Variants in ZDHHC16 observed in about 807,000 individuals in gnomAD.
ZDHHC16 encodes palmitoyltransferase ZDHHC16.
ZDHHC16 carries 33 observed loss-of-function variants against 54.4 expected under a neutral mutation model. The ratio of observed to expected loss-of-function variants is 0.61; its 90% CI spans 0.46 to 0.81. The LOEUF is 0.81. ZDHHC16 is among the 30% of genes least tolerant of loss of function. ZDHHC16 has a pLI of 0.00. For synonymous variants in ZDHHC16, 185 were observed against 182.1 expected, an observed-to-expected ratio of 1.02 and a Z score of -0.13; for missense variants, 420 against 485.9, an observed-to-expected ratio of 0.86 and a Z score of 1.28.
In ZDHHC16 at chr10:97,455,769, C is replaced by T; in HGVS notation, c.934C>T (p.Gln312Ter). ...HINKKERRRLQAKGRVFRNPY... is the reference protein window; with the variant it reads ...HINKKERRRL ...CAACAAGAAGGAGAGACGTCGGCTA[C>T]AGGCCAAGGGCAGAGTGAGTAGGGT... The change falls in exon 10 of 12, where the codon CAG becomes TAG. Residue 312 changes from glutamine (Q) to a stop codon, truncating the protein, a stop_gained. Transcript: ENST00000393760. LOFTEE classifies it high-confidence loss of function. 1 of 1,614,134 alleles carries T rather than the reference C, an allele frequency of 6.2e-7. No homozygotes were observed. Among genetic ancestry groups the T allele is most frequent in the Non-Finnish European group, 8.5e-7 (1 of 1,180,014 alleles).
Position 97,452,423 on chromosome 10 carries a change from T to C in ZDHHC16, c.447T>C (p.Asn149=). ...GCTCTCCCTTCACACAGGGCAGGAA[T>C]GATATCGCCACCGTCTCCATCTGTA... is the stretch of plus-strand genomic sequence containing the variant. ...TPPGYPPQGR[N]DIATVSICKK... is the part of the protein sequence containing the mutation. Residue 149 remains asparagine, a synonymous_variant, in exon 5 of 12, where the codon AAT becomes AAC. Coordinates refer to ENST00000393760, the MANE Select transcript of ZDHHC16 (RefSeq NM_198046.3). The C allele has an allele frequency of 6.2e-7, 1 of 1,614,146 alleles. No homozygotes were observed.
chr10:97,455,570 A>C (rs774668682), intron 9 of ZDHHC16, 90 bp from the exon 10 acceptor site: 41 of 1,603,726 alleles, frequency 2.6e-5, no homozygotes, highest in Non-Finnish European at 3.5e-5. Flanking sequence ...GAGAGGTTCC[A>C]AACCAGTTGT....
At chr10:97,452,368 TGAGA>T (rs1418611279) in intron 4 of ZDHHC16, 43 bp from the exon 5 acceptor site, 1 of 1,612,104 alleles carries the variant, frequency 6.2e-7, no homozygotes, top group Middle Eastern at 1.7e-4. Flanking sequence ...GGTATAGTTT[TGAGA>T]GACAGAACTG....
rs760870252 is a variant in ZDHHC16, at chr10:97,451,961, G to T, written c.243+43G>T. On this transcript the variant is annotated intron_variant, in intron 3 of 11. Coordinates refer to ENST00000393760, the MANE Select transcript of ZDHHC16 (RefSeq NM_198046.3). Reference sequence around the variant, plus strand: ...AGCAGGAAAAGGGGTGTTGTGGGGAGCAGAGGGACATGTCTCTCACAGACC... The same window carrying T: ...AGCAGGAAAAGGGGTGTTGTGGGGATCAGAGGGACATGTCTCTCACAGACC... 7 of 1,592,110 alleles carry T rather than the reference G, an allele frequency of 4.4e-6. No individual in the cohort carries two copies. In the South Asian group the frequency reaches 8.1e-5, roughly 18 times the overall value.
Position 97,457,026 on chromosome 10 carries a change from A to G in ZDHHC16, c.*135A>G. ...CCTGCCTTAGGGTACCATGCAGGAC[A>G]ATTCAAGGACCAGCCTTTTTACCAC... On this transcript the variant is annotated 3_prime_UTR_variant, in exon 12 of 12. Coordinates refer to ENST00000393760, the MANE Select transcript of ZDHHC16 (RefSeq NM_198046.3). 1.8e-6 allele frequency: 1 copy of G among 552,814 alleles called. No individual in the cohort carries two copies. The allele number at this position is 552,814 out of a possible 1,614,324, so 34.2% of individuals were successfully genotyped here.
At position 97,451,981 on chromosome 10, in the gene ZDHHC16, C is replaced by T. The variant is rs933767760; in HGVS notation, c.243+63C>T. 35 of 1,591,404 alleles carry T rather than the reference C, an allele frequency of 2.2e-5. 1 individual carries two copies. The East Asian group carries it at 7.8e-4, about 36-fold the overall frequency. On this transcript the variant is annotated intron_variant, in intron 3 of 11. Transcript: ENST00000393760. ...GGGGAGCAGAGGGACATGTCTCTCA[C>T]AGACCCAACCCAGGTTTTGGAGGCC...
rs559516980 is a variant in ZDHHC16 at position 97,454,769 on chromosome 10, A to G, written c.794A>G (p.Lys265Arg). The change falls in exon 9 of 12, where the codon AAG (lysine) becomes AGG (arginine). Residue 265 changes from lysine (K) to arginine (R), a missense_variant. Transcript: ENST00000393760. ...TFSFRERMTH[K>R]SLVYLWFLCS... Reference sequence around the variant, plus strand: ...TCCTTTCGAGAAAGGATGACTCACAAGAGTCTTGTCTACCTCTGGTTCCTG... The same window carrying G: ...TCCTTTCGAGAAAGGATGACTCACAGGAGTCTTGTCTACCTCTGGTTCCTG... 15 of 1,613,878 alleles carry G rather than the reference A, an allele frequency of 9.3e-6. No homozygotes were observed. The highest frequency in any genetic ancestry group is 1.3e-5 in the Non-Finnish European group (15 of 1,179,870).
chr10:97,456,004 T>C lies in ZDHHC16; in HGVS notation c.979T>C (p.Leu327=), dbSNP rs1297122496. 9 of 1,614,090 alleles carry C rather than the reference T, an allele frequency of 5.6e-6. No homozygotes were observed. Among genetic ancestry groups the C allele is most frequent in the Non-Finnish European group, 7.6e-6 (9 of 1,180,038 alleles). Residue 327 remains leucine (L), a synonymous_variant, in exon 11 of 12, where the codon TTG becomes CTG. Coordinates refer to ENST00000393760, the MANE Select transcript of ZDHHC16 (RefSeq NM_198046.3). The stretch of plus-strand genomic sequence containing the variant: ...TAGGAATCCTTACAACTACGGCTGC[T>C]TGGACAACTGGAAGGTATTCCTGGG... ...VFRNPYNYGC[L]DNWKVFLGVD...
At chr10:97,456,163 T>A in intron 11 of ZDHHC16, 119 bp downstream of exon 11, 1 of 1,028,804 alleles carries the variant, frequency 9.7e-7, no homozygotes, top group Non-Finnish European at 1.4e-6. Context: ...AGTTCTAGAC[T>A]CTAGGAATAG....
In ZDHHC16 at chr10:97,451,923, G is replaced by A; in HGVS notation, c.243+5G>A. The A allele has an allele frequency of 6.2e-7, 1 of 1,606,698 alleles. No homozygotes were observed. Among genetic ancestry groups the A allele is most frequent in the Non-Finnish European group, 8.5e-7 (1 of 1,175,458 alleles). The stretch of plus-strand genomic sequence containing the variant: ...GTGATCCGCTGGTTTGGAGTGGTGA[G>A]TGATGTCCAGGGAGCAGGAAAAGGG... On this transcript the variant is annotated splice_donor_5th_base_variant and intron_variant, in intron 3 of 11. Coordinates refer to ENST00000393760, the MANE Select transcript of ZDHHC16 (RefSeq NM_198046.3).
At chr10:97,449,224 G>A (rs912549314) in intron 1 of ZDHHC16, among the ~76,000 whole-genome samples, 21 of 148,014 alleles carry the variant, frequency 1.4e-4, no homozygotes, top group Admixed American at 1.4e-3. Flanking sequence ...GAGAATAGAA[G>A]TTTTTTTTTT....
intron 1 of ZDHHC16, among the ~76,000 whole-genome samples, chr10:97,446,997 C>T (rs1002859793): frequency 1.3e-5 from 2 of 152,222 alleles, no homozygotes; most frequent in African/African-American, 4.8e-5. Flanking sequence ...GCATGAGCCA[C>T]TGCCTCCGGC....
chr10:97,454,839 GAA>G (rs764713646), intron 9 of ZDHHC16, 40 bp downstream of exon 9: 15 of 1,601,710 alleles, frequency 9.4e-6, no homozygotes, highest in East Asian at 2.2e-5. Flanking sequence ...GGAAGCTTCA[GAA>G]AAAAAGTTTT....
chr10:97,453,710 A>C, intron 7 of ZDHHC16, 47 bp downstream of exon 7: 1 of 1,614,118 alleles, frequency 6.2e-7, no homozygotes, highest in Non-Finnish European at 8.5e-7. Context: ...GAACTTCGGG[A>C]TGTAGAACCT....
rs1459149480 is a variant in ZDHHC16, at chr10:97,446,260, C to T, written c.-279C>T. ...CCATGGTGGTTTGGATTGAGCCGGG[C>T]CCGGCCGGGGCGCCGAGTCGGAGGG... On this transcript the variant is annotated 5_prime_UTR_variant, in exon 1 of 12. Coordinates refer to ENST00000393760, the MANE Select transcript of ZDHHC16 (RefSeq NM_198046.3). The T allele has an allele frequency of 5.4e-6, 3 of 550,976 alleles. No individual in the cohort carries two copies. The highest frequency in any genetic ancestry group is 9.7e-6 in the Non-Finnish European group (3 of 309,548). 34.1% of individuals were successfully genotyped at this position (550,976 alleles called of 1,614,324 possible). A position where few individuals can be genotyped will look rare whatever the true frequency, so the allele number is the denominator to read the frequency against.
intron 5 of ZDHHC16, 95 bp downstream of exon 5, chr10:97,452,598 A>T: frequency 6.8e-6 from 9 of 1,320,442 alleles, no homozygotes; most frequent in Non-Finnish European, 9.5e-6. Context: ...ACATGGGTGA[A>T]TCACCCATCG....
intron 9 of ZDHHC16, 23 bp from the exon 10 acceptor site, chr10:97,455,637 A>G (rs1412808494): frequency 1.2e-6 from 2 of 1,614,220 alleles, no homozygotes; most frequent in South Asian, 1.1e-5. Context: ...ACTACCCACC[A>G]GTCTTCGCCC....
intron 5 of ZDHHC16, 191 bp downstream of exon 5, chr10:97,452,694 C>A (rs74152198): frequency 1.1e-6 from 1 of 931,922 alleles, no homozygotes; most frequent in Non-Finnish European, 1.6e-6. Context: ...TTGTGAAAAC[C>A]GAGGTTTGGA....
chr10:97,456,728 A>C (rs1295095998), intron 11 of ZDHHC16, 49 bp from the exon 12 acceptor site: 1 of 1,386,100 alleles, frequency 7.2e-7, no homozygotes, highest in African/African-American at 1.4e-5. Context: ...GATGATTGGG[A>C]AGGACCAAGA....
Sources: gnomAD v4.1 joint callset for allele counts (sites outside exome capture counted in the v4.1 genomes callset) on GRCh38, gnomAD v4.1.1 for gene constraint, MANE v1.5 for transcripts, NCBI Gene and HGNC (gene_info 2026-07-23, HGNC 2026-07-21) for gene names.